Variants in FGFR3 observed in about 807,000 individuals in gnomAD.
FGFR3 encodes fibroblast growth factor receptor 3.
Under a neutral mutation model 82.9 loss-of-function variants are expected in FGFR3, and 25 were observed. The ratio of observed to expected loss-of-function variants is 0.30; its 90% confidence interval spans 0.22 to 0.42. FGFR3 has a LOEUF of 0.42. Ranked by LOEUF, FGFR3 falls within the 10% of genes least tolerant of loss-of-function variation. FGFR3 has a pLI of 1.00. For synonymous variants in FGFR3, 620 were observed against 516.0 expected (o/e 1.20, Z -2.73); for missense variants, 1,026 against 1,161.0 (o/e 0.88, Z 1.69).
At position 1,807,357 on chromosome 4, in the gene FGFR3, G is replaced by C. The variant is rs537582388; in HGVS notation, c.*95G>C. Reference sequence around the variant, plus strand: ...CCCGGCATGAGACTCAGTGCAGATGGAGAGACAGCTACACAGAGCTTTGGT... The same window carrying C: ...CCCGGCATGAGACTCAGTGCAGATGCAGAGACAGCTACACAGAGCTTTGGT... On this transcript the variant is annotated 3_prime_UTR_variant, in exon 18 of 18. Coordinates refer to ENST00000440486, the MANE Select transcript of FGFR3 (RefSeq NM_000142.5). 1 of 1,485,868 alleles carries C rather than the reference G, an allele frequency of 6.7e-7. No individual in the cohort carries two copies. Among genetic ancestry groups the C allele is most frequent in the Non-Finnish European group, 9.1e-7 (1 of 1,100,252 alleles). The allele number at this position is 1,485,868 out of a possible 1,614,324, so 92.0% of individuals were successfully genotyped here. A position where few individuals can be genotyped will look rare whatever the true frequency, so the allele number is the denominator to read the frequency against.
At position 1,807,526 on chromosome 4, in the gene FGFR3, G is replaced by A. The variant is rs776334107; in HGVS notation, c.*264G>A. The A allele has an allele frequency of 4.3e-5, 31 of 714,594 alleles. No individual in the cohort carries two copies. The highest frequency in any genetic ancestry group is 5.9e-5 in the Non-Finnish European group (23 of 392,906). The allele number at this position is 714,594 out of a possible 1,614,324, so 44.3% of individuals were successfully genotyped here. The stretch of plus-strand genomic sequence containing the variant: ...GTCTCCTGACTGGTGCTGCAGCACC[G>A]AGGGGCCTTTGTTCTGGGGGGACCC... On this transcript the variant is annotated 3_prime_UTR_variant, in exon 18 of 18. Transcript: ENST00000440486.
In FGFR3 at chr4:1,793,920, GCCCCCGC is replaced by G; in HGVS notation, c.-10_-4del. ...GCGCGCGCTGCCTGAGGACGCCGCG[GCCCCCGC>G]CCCCGCCATGGGCGCCCCTGCCTGC... is the stretch of plus-strand genomic sequence containing the variant. On this transcript the variant is annotated 5_prime_UTR_variant, in exon 2 of 18. Transcript: ENST00000440486. The G allele has an allele frequency of 8.2e-7, 1 of 1,223,406 alleles. No homozygotes were observed. The highest frequency in any genetic ancestry group is 1.0e-6 in the Non-Finnish European group (1 of 959,924). The allele number at this position is 1,223,406 out of a possible 1,614,324, so 75.8% of individuals were successfully genotyped here.
Position 1,807,683 on chromosome 4 carries a change from G to A in FGFR3, c.*421G>A, listed in dbSNP as rs150892094. The A allele has an allele frequency of 3.2e-6, 2 of 620,924 alleles. No homozygotes were observed. Among genetic ancestry groups the A allele is most frequent in the East Asian group, 3.3e-5 (1 of 30,638 alleles). The allele number at this position is 620,924 out of a possible 1,614,324, so 38.5% of individuals were successfully genotyped here. On this transcript the variant is annotated 3_prime_UTR_variant, in exon 18 of 18. Transcript: ENST00000440486. ...GGCCTCGGCCCCTCCCACACCCAAA[G>A]CTGAGCCTGCAGGGAAGCCCCACAT...
intron 8 of FGFR3, 39 bp downstream of exon 8, chr4:1,803,875 G>C: frequency 6.3e-7 from 1 of 1,599,348 alleles, no homozygotes; most frequent in South Asian, 1.1e-5. Context: ...CGCACTGTCT[G>C]GGGGACGCTG....
rs2108819290 is a variant in FGFR3 at position 1,807,311 on chromosome 4, G to A, written c.*49G>A. On this transcript the variant is annotated 3_prime_UTR_variant, in exon 18 of 18. Transcript: ENST00000440486. The stretch of plus-strand genomic sequence containing the variant: ...TGAGGGGTCCCTAGCAGCCCACCCT[G>A]CTGCTGGTGCACAGCCACTCCCCGG... 2 of 1,553,884 alleles carry A rather than the reference G, an allele frequency of 1.3e-6. No homozygotes were observed. Among genetic ancestry groups the A allele is most frequent in the Admixed American group, 3.8e-5 (2 of 53,084 alleles).
At chr4:1,797,056 C>T (rs778658592) in intron 2 of FGFR3, among the ~76,000 whole-genome samples, 1 of 152,066 alleles carries the variant, frequency 6.6e-6, no homozygotes. Context: ...GGAGGTGGGA[C>T]GCGTTGCCTC....
In FGFR3 at chr4:1,794,074, GC is replaced by G. The variant is rs763532258; in HGVS notation, c.109+33del. On this transcript the variant is annotated intron_variant, in intron 2 of 17. Transcript: ENST00000440486. The stretch of plus-strand genomic sequence containing the variant: ...AAGGGACCCACTAGGCACGGGAGAG[GC>G]CGGCCCGTGCGGGCAGAGGCGTTGG... The G allele has an allele frequency of 8.7e-5, 110 of 1,266,218 alleles. No homozygotes were observed. The Middle Eastern group carries it at 2.1e-3, about 24-fold the overall frequency. The allele number at this position is 1,266,218 out of a possible 1,614,324, so 78.4% of individuals were successfully genotyped here.
intron 10 of FGFR3, 124 bp from the exon 11 acceptor site, chr4:1,805,231 A>G (rs1014099815): frequency 1.4e-5 from 21 of 1,537,044 alleles, no homozygotes; most frequent in Middle Eastern, 2.3e-4. Flanking sequence ...TAGGGGGAGC[A>G]TGGAGGGCTT....
intron 2 of FGFR3, among the ~76,000 whole-genome samples, chr4:1,794,322 C>A (rs1175487039): frequency 6.6e-6 from 1 of 152,240 alleles, no homozygotes; most frequent in African/African-American, 2.4e-5. Flanking sequence ...ACTCCCTAGC[C>A]CTGGCCTGTC....
intron 9 of FGFR3, 119 bp downstream of exon 9, chr4:1,804,639 C>A: frequency 6.9e-7 from 1 of 1,452,220 alleles, no homozygotes; most frequent in Non-Finnish European, 9.5e-7. Context: ...GCGGGCTCCC[C>A]TCTCCTCGTC....
Position 1,808,560 on chromosome 4 carries a change from T to C in FGFR3, c.*1298T>C, listed in dbSNP as rs1722251667. Reference sequence around the variant, plus strand: ...TATATATATCTATATATATAATTTATTGAGTTTTTACAAGATGTATTTGTT... The same window carrying C: ...TATATATATCTATATATATAATTTACTGAGTTTTTACAAGATGTATTTGTT... On this transcript the variant is annotated 3_prime_UTR_variant, in exon 18 of 18. Transcript: ENST00000440486. 1 of 230,136 alleles carries C rather than the reference T, an allele frequency of 4.3e-6. No homozygotes were observed. The highest frequency in any genetic ancestry group is 1.8e-4 in the South Asian group (1 of 5,522). 14.3% of individuals were successfully genotyped at this position (230,136 alleles called of 1,614,324 possible).
chr4:1,802,303 G>T (rs1323770518), intron 7 of FGFR3, among the ~76,000 whole-genome samples: 1 of 152,196 alleles, frequency 6.6e-6, no homozygotes, highest in African/African-American at 2.4e-5. Flanking sequence ...GGTGGGTGCG[G>T]CTTGGGCAGC....
Position 1,807,416 on chromosome 4 carries a change from TGTGC to T in FGFR3, c.*155_*158del. 1.8e-6 allele frequency: 2 copies of T among 1,130,098 alleles called. No individual in the cohort carries two copies. The highest frequency in any genetic ancestry group is 1.3e-6 in the Non-Finnish European group (1 of 777,632). 70.0% of individuals were successfully genotyped at this position (1,130,098 alleles called of 1,614,324 possible). On this transcript the variant is annotated 3_prime_UTR_variant, in exon 18 of 18. Coordinates refer to ENST00000440486, the MANE Select transcript of FGFR3 (RefSeq NM_000142.5). ...GTGTGTGTGCGTGTGTGTGTGTGTG[TGTGC>T]ACATCCGCGTGTGCCTGTGTGCGTG...
rs1721630897 is a variant in FGFR3 at position 1,804,536 on chromosome 4, T to C, written c.1266+16T>C. 6.2e-6 allele frequency: 10 copies of C among 1,610,904 alleles called. No homozygotes were observed. Among genetic ancestry groups the C allele is most frequent in the African/African-American group, 1.3e-5 (1 of 74,904 alleles). On this transcript the variant is annotated intron_variant, in intron 9 of 17. Transcript: ENST00000440486. ...CAAGCGACAGGTAACAGAAAGTAGA[T>C]ACCAGGTTCTGAGCTGCCTGCCCGC...
At chr4:1,801,287 G>A in intron 4 of FGFR3, 80 bp from the exon 5 acceptor site, 1 of 1,453,202 alleles carries the variant, frequency 6.9e-7, no homozygotes, top group Non-Finnish European at 9.3e-7. Flanking sequence ...ATGGGCAGGG[G>A]CAGCTCTGGG....
intron 2 of FGFR3, among the ~76,000 whole-genome samples, chr4:1,797,035 A>G (rs1720596287): frequency 1.3e-5 from 2 of 152,132 alleles, no homozygotes; most frequent in African/African-American, 4.8e-5. Flanking sequence ...TGTGGGATCC[A>G]TAGAAGGGTG....
Position 1,799,457 on chromosome 4 carries a change from G to A in FGFR3, c.313G>A (p.Gly105Arg), listed in dbSNP as rs1394280534. The A allele has an allele frequency of 7.5e-6, 12 of 1,602,724 alleles. No individual in the cohort carries two copies. Among genetic ancestry groups the A allele is most frequent in the African/African-American group, 4.0e-5 (3 of 74,650 alleles). ...QVLNASHEDS[G>R]AYSCRQRLTQ... is the part of the protein sequence containing the mutation. The stretch of plus-strand genomic sequence containing the variant: ...GCTGAATGCCTCCCACGAGGACTCC[G>A]GGGCCTACAGCTGCCGGCAGCGGCT... Residue 105 changes from glycine (G) to arginine (R), a missense_variant, in exon 3 of 18, where the codon GGG becomes AGG. Gly to Arg is a moderately radical substitution (Grantham distance 125). This residue lies in a region of FGFR3 where 226 missense variants were observed against 222.0 expected (regional missense o/e 1.02). Coordinates refer to ENST00000440486, the MANE Select transcript of FGFR3 (RefSeq NM_000142.5).
chr4:1,806,981 C>A (rs2108815664), intron 17 of FGFR3, 47 bp downstream of exon 17: 1 of 1,565,868 alleles, frequency 6.4e-7, no homozygotes, highest in Non-Finnish European at 8.7e-7. Flanking sequence ...GCCCCTCCCC[C>A]TGCCGTCCCC....
chr4:1,800,110 C>T (rs766533593), intron 4 of FGFR3, among the ~76,000 whole-genome samples: 7 of 152,008 alleles, frequency 4.6e-5, no homozygotes, highest in Non-Finnish European at 7.4e-5. Flanking sequence ...CTGTGGGGCT[C>T]TGGTGTTGGC....
Sources: allele counts gnomAD v4.1 joint callset (sites outside exome capture counted in the v4.1 genomes callset), GRCh38; gene constraint gnomAD v4.1.1; regional missense constraint gnomAD v4.1.1; transcripts MANE v1.5; gene names NCBI Gene and HGNC (gene_info 2026-07-23, HGNC 2026-07-21).